HMGA2: variants seen among roughly 807,000 people sequenced by gnomAD.
HMGA2 encodes high mobility group protein HMGI-C.
Under a neutral mutation model 19.1 loss-of-function variants are expected in HMGA2, and 8 were observed. The ratio of observed to expected loss-of-function variants is 0.42; its 90% confidence interval spans 0.25 to 0.76. The LOEUF (loss-of-function observed/expected upper bound fraction) is 0.76, where lower values mean the gene tolerates loss of function less well. HMGA2 is among the 30% of genes least tolerant of loss of function. The pLI is 0.28. For missense variants in HMGA2, 109 were observed against 136.3 expected (o/e 0.80, Z 1.00); for synonymous variants, 60 against 48.8 (o/e 1.23, Z -0.96).
chr12:65,901,440 C>T (rs1334787437), intron 3 of HMGA2, among the ~76,000 whole-genome samples: 1 of 152,130 alleles, frequency 6.6e-6, no homozygotes, highest in Non-Finnish European at 1.5e-5. Flanking sequence ...TGAAACTGCA[C>T]TTATTTGTTA....
chr12:65,933,417 G>T (rs879856424), intron 3 of HMGA2, among the ~76,000 whole-genome samples: 11 of 152,094 alleles, frequency 7.2e-5, no homozygotes, highest in Non-Finnish European at 1.6e-4. Context: ...TTAATATTTT[G>T]TCCTTTAAGC....
Position 65,825,164 on chromosome 12 carries a change from C to T in HMGA2, c.-107C>T, listed in dbSNP as rs540202272. 31 of 966,534 alleles carry T rather than the reference C, an allele frequency of 3.2e-5. No homozygotes were observed. Among genetic ancestry groups the T allele is most frequent in the African/African-American group, 3.1e-4 (18 of 58,392 alleles). The allele number at this position is 966,534 out of a possible 1,614,324, so 59.9% of individuals were successfully genotyped here. Reference sequence around the variant, plus strand: ...GCAGCCCGCCAGCTCGCGCTCGCCCCGCCGGCGTCCCCAGCCCTATCACCT... The same window carrying T: ...GCAGCCCGCCAGCTCGCGCTCGCCCTGCCGGCGTCCCCAGCCCTATCACCT... On this transcript the variant is annotated 5_prime_UTR_variant, in exon 1 of 5. Coordinates refer to ENST00000403681, the MANE Select transcript of HMGA2 (RefSeq NM_003483.6). This position sits in a 1 kb window ranked among gnomAD's most constrained non-coding sequence, Gnocchi z 4.4.
chr12:65,847,848 C>T (rs1395748814), intron 3 of HMGA2, among the ~76,000 whole-genome samples: 1 of 152,138 alleles, frequency 6.6e-6, no homozygotes, highest in Non-Finnish European at 1.5e-5. Flanking sequence ...GACAGTTTTT[C>T]TTTAGTGTGT....
chr12:65,865,192 G>T (rs343090), intron 3 of HMGA2, among the ~76,000 whole-genome samples: 141,100 of 152,282 alleles, frequency 0.93, 65,424 homozygotes, highest in Admixed American at 0.94. Context: ...TACAAAATAT[G>T]TGTTAATCGA....
intron 3 of HMGA2, among the ~76,000 whole-genome samples, chr12:65,878,016 A>G (rs1873142503): frequency 1.3e-5 from 2 of 152,122 alleles, no homozygotes; most frequent in East Asian, 1.9e-4. Context: ...AGAAGAACCT[A>G]CTTGCACCCC....
At chr12:65,950,108 G>A (rs917528263) in intron 3 of HMGA2, among the ~76,000 whole-genome samples, 37 of 152,282 alleles carry the variant, frequency 2.4e-4, no homozygotes, top group African/African-American at 7.7e-4. Context: ...CTGGTGGGAC[G>A]GACTGCAAAA....
intron 4 of HMGA2, among the ~76,000 whole-genome samples, chr12:65,962,652 G>T (rs1286165418): frequency 6.6e-6 from 1 of 152,166 alleles, no homozygotes; most frequent in Non-Finnish European, 1.5e-5. Flanking sequence ...GTTGGCACCA[G>T]TACCAACCCG....
chr12:65,841,363 A>G (rs942570539), intron 3 of HMGA2, among the ~76,000 whole-genome samples: 35 of 152,314 alleles, frequency 2.3e-4, no homozygotes, highest in African/African-American at 7.9e-4. Context: ...GAATTGTTAC[A>G]AGTCCCTGAT....
In HMGA2 at chr12:65,965,773, C is replaced by T. The variant is rs1876891042; in HGVS notation, c.*2481C>T. The T allele has an allele frequency of 4.5e-6, 1 of 220,070 alleles. No individual in the cohort carries two copies. Among genetic ancestry groups the T allele is most frequent in the South Asian group, 1.8e-4 (1 of 5,416 alleles). 13.6% of individuals were successfully genotyped at this position (220,070 alleles called of 1,614,324 possible). A position where few individuals can be genotyped will look rare whatever the true frequency, so the allele number is the denominator to read the frequency against. ...GTGATTTCCATCTCTGGTAAAGTTA[C>T]ACTTTTATTTCCTGTATGTTGTACA... On this transcript the variant is annotated 3_prime_UTR_variant, in exon 5 of 5. Transcript: ENST00000403681.
chr12:65,865,065 C>G (rs1040248257), intron 3 of HMGA2, among the ~76,000 whole-genome samples: 1 of 152,124 alleles, frequency 6.6e-6, no homozygotes, highest in African/African-American at 2.4e-5. Context: ...AAGATGAAAA[C>G]CTTTATGATG....
At chr12:65,854,764 G>A (rs1048330893) in intron 3 of HMGA2, among the ~76,000 whole-genome samples, 4 of 152,126 alleles carry the variant, frequency 2.6e-5, no homozygotes, top group Non-Finnish European at 2.9e-5. Context: ...CAGTTGCTCA[G>A]GAGTTTGTGG....
chr12:65,926,959 G>A (rs1875526550), intron 3 of HMGA2, among the ~76,000 whole-genome samples: 1 of 152,146 alleles, frequency 6.6e-6, no homozygotes, highest in African/African-American at 2.4e-5. Context: ...AGTAATCAGG[G>A]GTCTTTTTGC....
intron 2 of HMGA2, among the ~76,000 whole-genome samples, chr12:65,832,271 C>A (rs1263085908): frequency 6.6e-6 from 1 of 151,916 alleles, no homozygotes; most frequent in East Asian, 1.9e-4. Context: ...AGATTATGAT[C>A]CAAATATGGG....
At chr12:65,841,808 G>C (rs987772742) in intron 3 of HMGA2, among the ~76,000 whole-genome samples, 1 of 152,194 alleles carries the variant, frequency 6.6e-6, no homozygotes. Context: ...CCTGGGAAAA[G>C]ATACCTACCG....
At chr12:65,914,968 C>A in intron 3 of HMGA2, 3 of 1,560,502 alleles carry the variant, frequency 1.9e-6, no homozygotes, top group East Asian at 2.3e-5. Flanking sequence ...AGCCATCGTG[C>A]CTGGTCTAAA....
intron 3 of HMGA2, among the ~76,000 whole-genome samples, chr12:65,921,678 G>A (rs1315044870): frequency 6.6e-6 from 1 of 152,222 alleles, no homozygotes; most frequent in Non-Finnish European, 1.5e-5. Context: ...TGCATAAGTA[G>A]CAAGGAGCCT....
chr12:65,902,474 C>A (rs1874413775), intron 3 of HMGA2, among the ~76,000 whole-genome samples: 1 of 152,058 alleles, frequency 6.6e-6, no homozygotes, highest in Non-Finnish European at 1.5e-5. Context: ...AATTCTCTGT[C>A]TTTTCTGAAA....
chr12:65,932,575 G>C (rs932539164), intron 3 of HMGA2, among the ~76,000 whole-genome samples: 2 of 152,204 alleles, frequency 1.3e-5, no homozygotes, highest in Non-Finnish European at 2.9e-5. Context: ...TAAAAGGATA[G>C]TTTCAATTCT....
intron 3 of HMGA2, chr12:65,915,507 A>T: frequency 1.7e-6 from 2 of 1,189,600 alleles, no homozygotes; most frequent in East Asian, 4.1e-5. Flanking sequence ...TTGATTTCAT[A>T]AAACAGATGC....
Sources: gnomAD v4.1 joint callset for allele counts (sites outside exome capture counted in the v4.1 genomes callset) on GRCh38, gnomAD v4.1.1 for gene constraint, Gnocchi (gnomAD v3.1) non-coding constraint, MANE v1.5 for transcripts, NCBI Gene and HGNC (gene_info 2026-07-23, HGNC 2026-07-21) for gene names.